Variants in FER1L6 observed in about 807,000 individuals in gnomAD.
FER1L6 encodes the protein fer-1 like family member 6.
Under a neutral mutation model 219.2 loss-of-function variants are expected in FER1L6, and 177 were observed. That is an observed-to-expected ratio of 0.81 (90% CI 0.71 to 0.91). The LOEUF (loss-of-function observed/expected upper bound fraction) is 0.91, where lower values mean the gene tolerates loss of function less well. Among genes scored for constraint, FER1L6 ranks in the 40% least tolerant of loss-of-function variants. The pLI is 0.00. For missense variants in FER1L6, 2,153 were observed against 2,259.9 expected (o/e 0.95, Z 0.96); for synonymous variants, 768 against 824.3 (o/e 0.93, Z 1.17).
Position 123,875,406 on chromosome 8 carries a change from C to CTCAG in FER1L6, c.-8+23224_-8+23227dup, listed in dbSNP as rs572477394. ...TCCTTTGATCTCAGCACCACTTTTTCTCAGTCTCCTTTTCAACTTTAAAAA... is the reference window on the plus strand; with the variant it reads ...TCCTTTGATCTCAGCACCACTTTTTCTCAGTCAGTCTCCTTTTCAACTTTAAAAA... On this transcript the variant is annotated intron_variant, in intron 1 of 40. Coordinates refer to ENST00000522917, the MANE Select transcript of FER1L6 (RefSeq NM_001039112.2). 4.4e-3 allele frequency among the ~76,000 whole-genome samples: 675 copies of CTCAG among 152,280 alleles called. 3 individuals are homozygous for CTCAG. The highest frequency in any genetic ancestry group is 8.5e-3 in the South Asian group (41 of 4,828).
intron 39 of FER1L6, among the ~76,000 whole-genome samples, chr8:124,109,495 T>C (rs1025798423): frequency 1.3e-5 from 2 of 152,166 alleles, no homozygotes; most frequent in African/African-American, 4.8e-5. Flanking sequence ...GGCTGCTCTT[T>C]GTTAGAAAAT....
At chr8:124,011,741 C>T (rs1180479493) in intron 14 of FER1L6, among the ~76,000 whole-genome samples, 1 of 152,048 alleles carries the variant, frequency 6.6e-6, no homozygotes, top group African/African-American at 2.4e-5. Flanking sequence ...CTGCCTCAGC[C>T]CCCAAATTGC....
intron 15 of FER1L6, chr8:124,015,746 A>G (rs1280104668): frequency 6.6e-6 from 1 of 152,164 alleles, no homozygotes; most frequent in East Asian, 1.9e-4. Flanking sequence ...ATGTTAGGGG[A>G]TTACTTGGGA....
chr8:123,879,695 A>G (rs1489488268), intron 1 of FER1L6, among the ~76,000 whole-genome samples: 2 of 151,946 alleles, frequency 1.3e-5, no homozygotes, highest in Admixed American at 6.6e-5. Flanking sequence ...GTCCTCTACT[A>G]TGGGAAAACT....
intron 39 of FER1L6, among the ~76,000 whole-genome samples, chr8:124,107,372 C>T (rs1405836614): frequency 6.6e-6 from 1 of 152,150 alleles, no homozygotes; most frequent in Non-Finnish European, 1.5e-5. Flanking sequence ...TGTCAGCTTA[C>T]AAGCCAGAGA....
chr8:124,068,654 A>C (rs1240084020), intron 28 of FER1L6, among the ~76,000 whole-genome samples: 2 of 152,222 alleles, frequency 1.3e-5, no homozygotes, highest in African/African-American at 2.4e-5. Context: ...CTTTGGAGTC[A>C]GTCCAAGTTC....
rs1816526795 is a variant in FER1L6 at position 123,852,392 on chromosome 8, C to G, written c.-8+207C>G. ...TATATTGGGGACTCAGCATTGGTCT[C>G]TGCTGTTGGCAGATTGGGTACTCAG... On this transcript the variant is annotated intron_variant, in intron 1 of 40. Coordinates refer to ENST00000522917, the MANE Select transcript of FER1L6 (RefSeq NM_001039112.2). This position sits in a 1 kb window ranked among gnomAD's most constrained non-coding sequence, Gnocchi z 4.9. Among the ~76,000 whole-genome samples, 1 of 152,040 alleles carries G rather than the reference C, an allele frequency of 6.6e-6. No individual in the cohort carries two copies. The highest frequency in any genetic ancestry group is 1.5e-5 in the Non-Finnish European group (1 of 68,022).
chr8:124,103,140 C>T lies in FER1L6; in HGVS notation c.5126-6C>T, dbSNP rs763447548. 6 of 1,613,638 alleles carry T rather than the reference C, an allele frequency of 3.7e-6. No homozygotes were observed. The Admixed American group carries it at 1.0e-4, about 27-fold the overall frequency. On this transcript the variant is annotated splice_polypyrimidine_tract_variant and splice_region_variant and intron_variant, in intron 38 of 40. Coordinates refer to ENST00000522917, the MANE Select transcript of FER1L6 (RefSeq NM_001039112.2). The stretch of plus-strand genomic sequence containing the variant: ...TTCCCTAACTGTTAGGGTCATCTCT[C>T]CACAGGCACCCTGGAAATGAACCTC...
rs1039921336 is a variant in FER1L6 at position 124,017,552 on chromosome 8, A to G, written c.1923-76A>G. 1.1e-5 allele frequency: 13 copies of G among 1,160,788 alleles called. No individual in the cohort carries two copies. The Admixed American group carries it at 1.9e-4, about 17-fold the overall frequency. The allele number at this position is 1,160,788 out of a possible 1,614,324, so 71.9% of individuals were successfully genotyped here. A position where few individuals can be genotyped will look rare whatever the true frequency, so the allele number is the denominator to read the frequency against. On this transcript the variant is annotated intron_variant, in intron 15 of 40. Coordinates refer to ENST00000522917, the MANE Select transcript of FER1L6 (RefSeq NM_001039112.2). Reference sequence around the variant, plus strand: ...AGCTTTCCACTGTATTGCAGAAACAATATTTGCAAACCTCTGGAATTATAT... The same window carrying G: ...AGCTTTCCACTGTATTGCAGAAACAGTATTTGCAAACCTCTGGAATTATAT...
chr8:123,906,677 G>A (rs1812958606), intron 1 of FER1L6, among the ~76,000 whole-genome samples: 1 of 151,900 alleles, frequency 6.6e-6, no homozygotes. Context: ...GTGTGTGCCT[G>A]TAGCCCCAGC....
At chr8:123,884,426 T>C (rs1443477106) in intron 1 of FER1L6, among the ~76,000 whole-genome samples, 4 of 152,122 alleles carry the variant, frequency 2.6e-5, no homozygotes, top group Non-Finnish European at 4.4e-5. Flanking sequence ...CAGTGTCCCA[T>C]AACTTGGCTG....
chr8:123,934,667 C>T (rs972211249), intron 1 of FER1L6, among the ~76,000 whole-genome samples: 2 of 151,958 alleles, frequency 1.3e-5, no homozygotes, highest in Non-Finnish European at 2.9e-5. Flanking sequence ...CCAGACTGCC[C>T]CCAACAGCCT....
chr8:123,914,384 A>T (rs2129783015), intron 1 of FER1L6, among the ~76,000 whole-genome samples: 1 of 152,340 alleles, frequency 6.6e-6, no homozygotes, highest in East Asian at 1.9e-4. Context: ...ACATATATAT[A>T]CGTCAGTGGG....
At chr8:124,075,342 AC>A (rs1381111892) in intron 31 of FER1L6, among the ~76,000 whole-genome samples, 12 of 152,134 alleles carry the variant, frequency 7.9e-5, no homozygotes, top group Admixed American at 4.6e-4. Flanking sequence ...AAACAAACAC[AC>A]ACACGTTAGC....
intron 18 of FER1L6, among the ~76,000 whole-genome samples, chr8:124,033,908 A>AGG (rs752076398): frequency 6.6e-6 from 1 of 152,120 alleles, no homozygotes; most frequent in Non-Finnish European, 1.5e-5. Context: ...CCCTGGAGGG[A>AGG]GGGCCAGGAC....
intron 32 of FER1L6, among the ~76,000 whole-genome samples, chr8:124,080,580 A>C (rs2130907393): frequency 6.6e-6 from 1 of 152,170 alleles, no homozygotes; most frequent in African/African-American, 2.4e-5. Context: ...GGCCTCCCAA[A>C]GTGCTGGGAT....
intron 39 of FER1L6, among the ~76,000 whole-genome samples, chr8:124,117,603 T>G (rs1179961638): frequency 6.6e-6 from 1 of 152,208 alleles, no homozygotes; most frequent in African/African-American, 2.4e-5. Flanking sequence ...AATGAGACCA[T>G]CTAGACTTTA....
At position 124,061,978 on chromosome 8, in the gene FER1L6, C is replaced by T. The variant is rs1459532241; in HGVS notation, c.3274C>T (p.Leu1092Phe). The T allele has an allele frequency of 6.2e-7, 1 of 1,614,176 alleles. No individual in the cohort carries two copies. Among genetic ancestry groups the T allele is most frequent in the Admixed American group, 1.7e-5 (1 of 60,028 alleles). ...INYLKQFLCK[L>F]REPLAPITQV... ...CTACTTGAAGCAGTTTTTGTGTAAA[C>T]TCAGAGAGCCCCTTGCCCCCATCAC... The change falls in exon 25 of 41, where the codon CTC (leucine) becomes TTC (phenylalanine). Residue 1092 changes from leucine (L) to phenylalanine (F), a missense_variant. Physicochemically the swap from Leu to Phe is conservative, Grantham distance 22 (BLOSUM62 0). Coordinates refer to ENST00000522917, the MANE Select transcript of FER1L6 (RefSeq NM_001039112.2).
intron 40 of FER1L6, 33 bp downstream of exon 40, chr8:124,118,977 T>A (rs1036395771): frequency 1.9e-6 from 3 of 1,553,558 alleles, no homozygotes; most frequent in Non-Finnish European, 2.7e-6. Flanking sequence ...ACATCAGAAA[T>A]GGGAAGGGGC....
Sources: allele counts gnomAD v4.1 joint callset (sites outside exome capture counted in the v4.1 genomes callset), GRCh38; gene constraint gnomAD v4.1.1; non-coding constraint Gnocchi (gnomAD v3.1); transcripts MANE v1.5; gene names NCBI Gene and HGNC (gene_info 2026-07-23, HGNC 2026-07-21).